The following RAB27B variants were observed in gnomAD, a reference collection of about 807,000 sequenced individuals.
The protein encoded by RAB27B is ras-related protein Rab-27B.
A neutral mutation model predicts 24.6 loss-of-function variants in RAB27B; 15 were observed. The ratio of observed to expected loss-of-function variants is 0.61; its 90% CI spans 0.41 to 0.94. RAB27B has a LOEUF of 0.94. RAB27B is among the 40% of genes least tolerant of loss of function. The pLI, the probability that RAB27B is intolerant of heterozygous loss-of-function variation, is 0.00. For missense variants in RAB27B, 261 were observed against 266.8 expected (o/e 0.98, Z 0.15); for synonymous variants, 105 against 92.5 (o/e 1.14, Z -0.78).
At chr18:54,885,392 G>C (rs1331007494) in intron 4 of RAB27B, among the ~76,000 whole-genome samples, 1 of 152,090 alleles carries the variant, frequency 6.6e-6, no homozygotes, top group Non-Finnish European at 1.5e-5. Context: ...TACCTACAAG[G>C]TCACTGTGAT....
chr18:54,815,498 T>C (rs185504705), intron 2 of RAB27B, among the ~76,000 whole-genome samples: 1 of 152,206 alleles, frequency 6.6e-6, no homozygotes, highest in East Asian at 1.9e-4. Flanking sequence ...CTCAAATCCC[T>C]CTGCCTCTGG....
chr18:54,864,521 A>G (rs1912135043), intron 1 of RAB27B, among the ~76,000 whole-genome samples: 1 of 151,954 alleles, frequency 6.6e-6, no homozygotes, highest in Admixed American at 6.6e-5. Flanking sequence ...TTTGAGTCTA[A>G]GAAATCATTA....
At chr18:54,724,194 T>A (rs1479742351) in intron 2 of RAB27B, among the ~76,000 whole-genome samples, 3 of 151,644 alleles carry the variant, frequency 2.0e-5, no homozygotes, top group Non-Finnish European at 4.4e-5. Context: ...GGAAAAATTT[T>A]AAAAATTTTA....
intron 2 of RAB27B, among the ~76,000 whole-genome samples, chr18:54,793,676 T>G (rs540667237): frequency 6.6e-6 from 1 of 152,342 alleles, no homozygotes. Context: ...TCGTGTTGCA[T>G]GTTGGGCTGA....
chr18:54,882,618 G>A (rs950072815), intron 3 of RAB27B, among the ~76,000 whole-genome samples: 7 of 152,164 alleles, frequency 4.6e-5, no homozygotes, highest in Non-Finnish European at 8.8e-5. Context: ...CAGGCTCAAC[G>A]AAGGGGTAGG....
chr18:54,848,745 A>G (rs868029953), intron 1 of RAB27B, among the ~76,000 whole-genome samples: 66 of 152,336 alleles, frequency 4.3e-4, no homozygotes, highest in Middle Eastern at 3.4e-3. Flanking sequence ...ATGTAAAACC[A>G]TAAAAAGATT....
chr18:54,832,111 A>T lies in RAB27B; in HGVS notation c.-20+3411A>T, dbSNP rs189655980. 2.0e-5 allele frequency among the ~76,000 whole-genome samples: 3 copies of T among 152,308 alleles called. No homozygotes were observed. In the East Asian group the frequency reaches 5.8e-4, roughly 29 times the overall value. ...TAAAAGATCACTCTGGCTTCCTTGA[A>T]GAGACTAAGTCGTAGGGTGACCAGA... On this transcript the variant is annotated intron_variant, in intron 1 of 5. Transcript: ENST00000262094.
intron 2 of RAB27B, among the ~76,000 whole-genome samples, chr18:54,767,599 A>T (rs1908405202): frequency 6.6e-6 from 1 of 152,172 alleles, no homozygotes; most frequent in Admixed American, 6.6e-5. Context: ...TTAGATGATG[A>T]TCGTGAATAA....
Position 54,781,024 on chromosome 18 carries a change from G to C in RAB27B, c.-20+62883G>C, listed in dbSNP as rs187387760. Among the ~76,000 whole-genome samples the C allele has an allele frequency of 2.2e-3, 330 of 152,320 alleles. 1 individual carries two copies. Among genetic ancestry groups the C allele is most frequent in the African/African-American group, 7.6e-3 (315 of 41,578 alleles). ...ATTAGGATCATGCTGGGCATGCACA[G>C]TGTGGGTCTCTTCCACCCACTGGGT... is the stretch of plus-strand genomic sequence containing the variant. On this transcript the variant is annotated intron_variant, in intron 2 of 4. Transcript: ENST00000586570.
At chr18:54,723,445 G>A (rs536067731) in intron 2 of RAB27B, among the ~76,000 whole-genome samples, 1 of 152,222 alleles carries the variant, frequency 6.6e-6, no homozygotes, top group South Asian at 2.1e-4. Flanking sequence ...GAACAATTCT[G>A]GAACTTATGT....
intron 1 of RAB27B, among the ~76,000 whole-genome samples, chr18:54,837,959 C>A (rs1162332868): frequency 6.6e-6 from 1 of 152,024 alleles, no homozygotes; most frequent in African/African-American, 2.4e-5. Context: ...AGTCGTGTCT[C>A]AATCAGGAAT....
At chr18:54,735,376 C>T (rs1397073502) in intron 2 of RAB27B, among the ~76,000 whole-genome samples, 2 of 152,188 alleles carry the variant, frequency 1.3e-5, no homozygotes, top group Admixed American at 6.6e-5. Flanking sequence ...TCAGTAACTA[C>T]ACTTTCTGAG....
chr18:54,880,607 C>T (rs1912885477), intron 3 of RAB27B: 2 of 152,200 alleles, frequency 1.3e-5, no homozygotes, highest in Non-Finnish European at 2.9e-5. Context: ...CCCTTCAACA[C>T]TGCTGGTTCC....
chr18:54,885,090 C>T (rs1042509929), intron 4 of RAB27B, among the ~76,000 whole-genome samples: 1 of 152,174 alleles, frequency 6.6e-6, no homozygotes. Flanking sequence ...TATTGACATA[C>T]ATCACCACAG....
At chr18:54,789,648 A>G (rs1568066448) in intron 2 of RAB27B, among the ~76,000 whole-genome samples, 1 of 152,064 alleles carries the variant, frequency 6.6e-6, no homozygotes, top group Non-Finnish European at 1.5e-5. Flanking sequence ...GCAAATGACT[A>G]CTGTTAGGAA....
chr18:54,865,562 G>A (rs1392200355), intron 1 of RAB27B, among the ~76,000 whole-genome samples: 1 of 152,124 alleles, frequency 6.6e-6, no homozygotes, highest in Non-Finnish European at 1.5e-5. Context: ...TGGACAAGGA[G>A]CCAAATTTTC....
intron 2 of RAB27B, among the ~76,000 whole-genome samples, chr18:54,822,209 A>G (rs1568080872): frequency 6.6e-6 from 1 of 152,244 alleles, no homozygotes; most frequent in Non-Finnish European, 1.5e-5. Flanking sequence ...TTAATTTGAT[A>G]AAAGTGTACT....
chr18:54,732,323 A>G (rs1909756259), intron 2 of RAB27B, among the ~76,000 whole-genome samples: 1 of 152,256 alleles, frequency 6.6e-6, no homozygotes, highest in Admixed American at 6.5e-5. Flanking sequence ...TATTTCTTTC[A>G]ATAATACTCT....
chr18:54,811,079 T>A (rs944843081), intron 2 of RAB27B, among the ~76,000 whole-genome samples: 1 of 152,058 alleles, frequency 6.6e-6, no homozygotes, highest in Non-Finnish European at 1.5e-5. Flanking sequence ...AATATTAGAA[T>A]CTGGATTGTT....
Sources: allele counts gnomAD v4.1 joint callset (sites outside exome capture counted in the v4.1 genomes callset), GRCh38; gene constraint gnomAD v4.1.1; transcripts MANE v1.5; gene names NCBI Gene and HGNC (gene_info 2026-07-23, HGNC 2026-07-21).